The following AUTS2 variants were observed in gnomAD, a reference collection of about 807,000 sequenced individuals.
AUTS2 encodes the protein autism susceptibility gene 2 protein.
In AUTS2, 17 loss-of-function variants were observed where a neutral mutation model predicts 112.4. The ratio of observed to expected loss-of-function variants is 0.15; its 90% confidence interval spans 0.10 to 0.23. The LOEUF (loss-of-function observed/expected upper bound fraction) is 0.23. AUTS2 is among the 10% of genes least tolerant of loss of function. The probability of loss-of-function intolerance (pLI) is 1.00; values close to 1 mark genes in which losing one functional copy is unlikely to be tolerated. For missense variants in AUTS2, 1,510 were observed against 1,701.6 expected, an observed-to-expected ratio of 0.89 and a Z score of 1.98; for synonymous variants, 751 against 702.7, an observed-to-expected ratio of 1.07 and a Z score of -1.09.
intron 4 of AUTS2, among the ~76,000 whole-genome samples, chr7:70,222,950 TG>T (rs1352778401): frequency 6.6e-6 from 1 of 150,968 alleles, no homozygotes; most frequent in African/African-American, 2.4e-5. Flanking sequence ...TGCAATGGCG[TG>T]ATCTCAGCTC....
intron 5 of AUTS2, among the ~76,000 whole-genome samples, chr7:70,575,047 C>A (rs930009340): frequency 2.4e-4 from 36 of 152,158 alleles, no homozygotes; most frequent in African/African-American, 8.7e-4. Flanking sequence ...GGTAATCGTT[C>A]CGCTCGGTTG....
intron 2 of AUTS2, among the ~76,000 whole-genome samples, chr7:69,920,766 T>A (rs919045685): frequency 2.0e-5 from 3 of 152,210 alleles, no homozygotes; most frequent in African/African-American, 7.2e-5. Context: ...CCTTGCCCTC[T>A]TCCAGGTAGC....
At chr7:70,788,273 T>C (rs1425108812) in intron 18 of AUTS2, among the ~76,000 whole-genome samples, 1 of 152,190 alleles carries the variant, frequency 6.6e-6, no homozygotes, top group Non-Finnish European at 1.5e-5. Flanking sequence ...ATCTTTAATG[T>C]TTCTTTTCTT....
At chr7:69,912,171 G>A (rs948179216) in intron 2 of AUTS2, among the ~76,000 whole-genome samples, 1 of 152,214 alleles carries the variant, frequency 6.6e-6, no homozygotes, top group African/African-American at 2.4e-5. Context: ...CTCAGGCTTA[G>A]CCTCAATTTT....
At chr7:69,704,011 A>G (rs1218005636) in intron 1 of AUTS2, among the ~76,000 whole-genome samples, 3 of 152,050 alleles carry the variant, frequency 2.0e-5, no homozygotes, top group Non-Finnish European at 4.4e-5. Context: ...TGTGCTTCTG[A>G]GCTTTACCTT....
At chr7:69,706,169 G>A (rs534764451) in intron 1 of AUTS2, among the ~76,000 whole-genome samples, 2 of 152,296 alleles carry the variant, frequency 1.3e-5, no homozygotes, top group South Asian at 2.1e-4. Context: ...TAGAGGAAAA[G>A]GAAATTTATT....
intron 1 of AUTS2, among the ~76,000 whole-genome samples, chr7:69,626,493 A>G (rs1009568127): frequency 5.3e-5 from 8 of 152,078 alleles, no homozygotes; most frequent in African/African-American, 1.9e-4. Flanking sequence ...TGATTTTGCT[A>G]ATGACTTGGA....
At chr7:69,754,492 G>A (rs1787868967) in intron 1 of AUTS2, among the ~76,000 whole-genome samples, 1 of 152,128 alleles carries the variant, frequency 6.6e-6, no homozygotes, top group East Asian at 1.9e-4. Flanking sequence ...GATGGTATGA[G>A]AGATGCATTT....
chr7:69,679,281 G>T (rs757946224), intron 1 of AUTS2, among the ~76,000 whole-genome samples: 32 of 152,212 alleles, frequency 2.1e-4, no homozygotes, highest in Non-Finnish European at 3.4e-4. Context: ...ATGGGCGATA[G>T]TATTGGTAGT....
intron 1 of AUTS2, among the ~76,000 whole-genome samples, chr7:69,897,459 A>T (rs1235585611): frequency 6.6e-6 from 1 of 151,248 alleles, no homozygotes; most frequent in Admixed American, 6.6e-5. Flanking sequence ...GGGCAAATAG[A>T]CTCCCTTAGG....
At chr7:69,868,713 T>C (rs1793348938) in intron 1 of AUTS2, among the ~76,000 whole-genome samples, 1 of 152,218 alleles carries the variant, frequency 6.6e-6, no homozygotes, top group African/African-American at 2.4e-5. Context: ...CTCCTCATTT[T>C]ATAAGAGATA....
intron 1 of AUTS2, among the ~76,000 whole-genome samples, chr7:69,618,186 G>A (rs1562762936): frequency 6.6e-6 from 1 of 152,210 alleles, no homozygotes; most frequent in Non-Finnish European, 1.5e-5. Context: ...CTCTGACAAA[G>A]AGGAGGGGGA....
chr7:69,899,226 G>T (rs936402166), intron 1 of AUTS2, 60 bp from the exon 2 acceptor site: 3 of 1,280,366 alleles, frequency 2.3e-6, no homozygotes, highest in Non-Finnish European at 2.3e-6. Flanking sequence ...CTATATTTTG[G>T]GTGTGACCCT....
intron 2 of AUTS2, among the ~76,000 whole-genome samples, chr7:70,038,373 A>G (rs1241536291): frequency 6.6e-6 from 1 of 152,190 alleles, no homozygotes; most frequent in Non-Finnish European, 1.5e-5. Flanking sequence ...AAACACATCC[A>G]TAAGAGTTGC....
At chr7:69,701,799 T>C (rs1052715398) in intron 1 of AUTS2, among the ~76,000 whole-genome samples, 1 of 152,218 alleles carries the variant, frequency 6.6e-6, no homozygotes, top group Non-Finnish European at 1.5e-5. Flanking sequence ...GGGAGTCAAA[T>C]AGGTTATCTG....
In AUTS2 at chr7:69,970,682, G is replaced by C. The variant is rs185725523; in HGVS notation, c.522+71184G>C. 2.5e-4 allele frequency among the ~76,000 whole-genome samples: 38 copies of C among 152,218 alleles called. No individual in the cohort carries two copies. The East Asian group carries it at 6.4e-3, about 26-fold the overall frequency. ...GAGTCTGTTTTGCTGCTTGTTAATG[G>C]TTCCCCTCTCCCATCTAAGCATTCT... On this transcript the variant is annotated intron_variant, in intron 2 of 18. Coordinates refer to ENST00000342771, the MANE Select transcript of AUTS2 (RefSeq NM_015570.4).
In AUTS2 at chr7:70,697,218, T is replaced by A. The variant is rs902572187; in HGVS notation, c.691-1351T>A. Among the ~76,000 whole-genome samples, 8 of 152,204 alleles carry A rather than the reference T, an allele frequency of 5.3e-5. No homozygotes were observed. In the East Asian group the frequency reaches 1.5e-3, roughly 29 times the overall value. On this transcript the variant is annotated intron_variant, in intron 5 of 18. Coordinates refer to ENST00000342771, the MANE Select transcript of AUTS2 (RefSeq NM_015570.4). ...GGAAGGCCCTCTGTATTTTTCATTATTCCTGCAAAATAGGAAAAAATCTAT... is the reference window on the plus strand; with the variant it reads ...GGAAGGCCCTCTGTATTTTTCATTAATCCTGCAAAATAGGAAAAAATCTAT...
rs189260821 is a variant in AUTS2 at position 69,756,139 on chromosome 7, G to C, written c.310-143147G>C. Among the ~76,000 whole-genome samples the C allele has an allele frequency of 5.9e-5, 9 of 152,330 alleles. No homozygotes were observed. In the East Asian group the frequency reaches 1.7e-3, roughly 29 times the overall value. ...CATTGCAACCCTGTGTAATAGTCTA[G>C]TGAAGTGATCTGCTTTCTGCAGTCA... On this transcript the variant is annotated intron_variant, in intron 1 of 18. Coordinates refer to ENST00000342771, the MANE Select transcript of AUTS2 (RefSeq NM_015570.4).
intron 5 of AUTS2, among the ~76,000 whole-genome samples, chr7:70,457,120 T>C (rs988560799): frequency 3.9e-5 from 6 of 152,200 alleles, no homozygotes; most frequent in Non-Finnish European, 8.8e-5. Context: ...CAGTGAACAG[T>C]GCTGCTCTAG....
Sources: gnomAD v4.1 joint callset for allele counts (sites outside exome capture counted in the v4.1 genomes callset) on GRCh38, gnomAD v4.1.1 for gene constraint, MANE v1.5 for transcripts, NCBI Gene and HGNC (gene_info 2026-07-23, HGNC 2026-07-21) for gene names.